FHIT: variants seen among roughly 807,000 people sequenced by gnomAD.
FHIT encodes fragile histidine triad diadenosine triphosphatase, also known as bis(5'-adenosyl)-triphosphatase.
Under a neutral mutation model 17.9 loss-of-function variants are expected in FHIT, and 19 were observed. That is an observed-to-expected ratio of 1.06 (90% CI 0.74 to 1.56). The LOEUF is 1.56. FHIT is among the 40% of genes most tolerant of loss of function. The probability of loss-of-function intolerance (pLI) is 0.00; values close to 1 mark genes in which losing one functional copy is unlikely to be tolerated. For missense variants in FHIT, 248 were observed against 189.2 expected, an observed-to-expected ratio of 1.31 and a Z score of -1.82; for synonymous variants, 81 against 69.7, an observed-to-expected ratio of 1.16 and a Z score of -0.81.
intron 5 of FHIT, among the ~76,000 whole-genome samples, chr3:60,480,317 G>T (rs2033551996): frequency 1.3e-5 from 2 of 152,136 alleles, no homozygotes; most frequent in South Asian, 4.2e-4. Flanking sequence ...TTCAAGAGGA[G>T]ATTTGAATGG....
chr3:59,858,735 G>A lies in FHIT; in HGVS notation c.348+63611C>T, dbSNP rs145851195. Reference sequence around the variant, plus strand: ...ATGAGATGTACGCAGGTGGTGGGCAGTGAAGGCTAATATTGAACAAATGAG... The same window carrying A: ...ATGAGATGTACGCAGGTGGTGGGCAATGAAGGCTAATATTGAACAAATGAG... On this transcript the variant is annotated intron_variant, in intron 8 of 9. Transcript: ENST00000492590. Among the ~76,000 whole-genome samples, 101 of 152,182 alleles carry A rather than the reference G, an allele frequency of 6.6e-4. 1 individual carries two copies. The East Asian group carries it at 0.018, about 27-fold the overall frequency.
chr3:60,218,457 C>T (rs1248731415), intron 5 of FHIT, among the ~76,000 whole-genome samples: 1 of 152,144 alleles, frequency 6.6e-6, no homozygotes, highest in African/African-American at 2.4e-5. Context: ...CTTGCCATGA[C>T]AAACATAGTT....
intron 5 of FHIT, among the ~76,000 whole-genome samples, chr3:60,362,100 ATT>A (rs1699930128): frequency 6.6e-6 from 1 of 152,172 alleles, no homozygotes; most frequent in Admixed American, 6.5e-5. Flanking sequence ...TATTGTGTGC[ATT>A]TGAAGTTTAT....
intron 5 of FHIT, among the ~76,000 whole-genome samples, chr3:60,263,813 C>T (rs915169098): frequency 2.0e-5 from 3 of 151,782 alleles, no homozygotes; most frequent in Non-Finnish European, 4.4e-5. Context: ...GAAATAAAGT[C>T]TTTAGCTTAA....
intron 7 of FHIT, among the ~76,000 whole-genome samples, chr3:59,941,828 T>C (rs553311246): frequency 6.6e-6 from 1 of 152,120 alleles, no homozygotes; most frequent in African/African-American, 2.4e-5. Context: ...ATGCATGAAG[T>C]AGGATATAGT....
chr3:59,884,079 C>T (rs941143296), intron 8 of FHIT, among the ~76,000 whole-genome samples: 1 of 152,148 alleles, frequency 6.6e-6, no homozygotes, highest in Non-Finnish European at 1.5e-5. Context: ...GTGACATGAG[C>T]AACTTTGCTT....
chr3:59,986,122 G>A (rs961541847), intron 7 of FHIT, among the ~76,000 whole-genome samples: 17 of 151,912 alleles, frequency 1.1e-4, no homozygotes, highest in African/African-American at 3.4e-4. Context: ...TATCAATAGC[G>A]GTTCACACTT....
chr3:60,348,456 A>G (rs911084114), intron 5 of FHIT, among the ~76,000 whole-genome samples: 3 of 152,148 alleles, frequency 2.0e-5, no homozygotes, highest in African/African-American at 4.8e-5. Flanking sequence ...TTTTTTTCAC[A>G]AAGAAAATTA....
At chr3:60,867,717 A>G (rs115347031) in intron 3 of FHIT, among the ~76,000 whole-genome samples, 181 of 152,258 alleles carry the variant, frequency 1.2e-3, no homozygotes, top group African/African-American at 4.3e-3. Flanking sequence ...TAATTCTCCA[A>G]TCTTTCTCCC....
intron 4 of FHIT, among the ~76,000 whole-genome samples, chr3:60,586,337 G>C (rs976457782): frequency 5.3e-5 from 8 of 151,998 alleles, no homozygotes; most frequent in Non-Finnish European, 8.8e-5. Flanking sequence ...AAAATAGACA[G>C]ATGTGCTCTT....
At chr3:61,018,908 C>A (rs1034884640) in intron 3 of FHIT, among the ~76,000 whole-genome samples, 3 of 152,064 alleles carry the variant, frequency 2.0e-5, no homozygotes, top group Non-Finnish European at 2.9e-5. Context: ...CAGTAAAACA[C>A]AACTGATAAA....
intron 5 of FHIT, among the ~76,000 whole-genome samples, chr3:60,429,495 A>T (rs1219553945): frequency 2.0e-5 from 3 of 152,048 alleles, no homozygotes; most frequent in Non-Finnish European, 4.4e-5. Flanking sequence ...GAGGGATGGG[A>T]AAACAAAAGA....
intron 5 of FHIT, among the ~76,000 whole-genome samples, chr3:60,046,676 C>T (rs888719020): frequency 6.6e-6 from 1 of 152,142 alleles, no homozygotes; most frequent in African/African-American, 2.4e-5. Flanking sequence ...ATGAGAAAGA[C>T]AAGAAATCAC....
chr3:59,836,608 G>A (rs1429753638), intron 8 of FHIT, among the ~76,000 whole-genome samples: 1 of 152,172 alleles, frequency 6.6e-6, no homozygotes, highest in Non-Finnish European at 1.5e-5. Flanking sequence ...CTTTTTAGGA[G>A]TGTCATTAGA....
intron 5 of FHIT, among the ~76,000 whole-genome samples, chr3:60,274,876 G>A (rs751379120): frequency 1.3e-5 from 2 of 152,024 alleles, no homozygotes; most frequent in Admixed American, 1.3e-4. Context: ...ATGGATAATT[G>A]CAATAGGAAG....
rs570610042 is a variant in FHIT, at chr3:60,658,820, AT to A, written c.-17-121842del. Among the ~76,000 whole-genome samples the A allele has an allele frequency of 2.0e-4, 30 of 152,218 alleles. No individual in the cohort carries two copies. In the South Asian group the frequency reaches 4.8e-3, roughly 24 times the overall value. ...TATTACAATAATACTAGCTTTTATA[AT>A]TGCCCACATTTTTACCTTTACGGAG... is the stretch of plus-strand genomic sequence containing the variant. On this transcript the variant is annotated intron_variant, in intron 4 of 9. Transcript: ENST00000492590.
intron 7 of FHIT, among the ~76,000 whole-genome samples, chr3:59,978,846 T>C (rs545702651): frequency 2.0e-5 from 3 of 151,894 alleles, no homozygotes; most frequent in East Asian, 4.0e-4. Context: ...GGTCTGGATA[T>C]TTGTGAGACT....
At chr3:59,921,564 A>G (rs1325961137) in intron 8 of FHIT, among the ~76,000 whole-genome samples, 1 of 152,224 alleles carries the variant, frequency 6.6e-6, no homozygotes, top group Non-Finnish European at 1.5e-5. Flanking sequence ...CATTTAACCA[A>G]TCACTCCAGG....
chr3:59,812,527 C>T (rs934426255), intron 8 of FHIT, among the ~76,000 whole-genome samples: 1 of 152,120 alleles, frequency 6.6e-6, no homozygotes, highest in Non-Finnish European at 1.5e-5. Context: ...AGTTTAAGAA[C>T]GATGCTTATA....
Sources: gnomAD v4.1 joint callset for allele counts (sites outside exome capture counted in the v4.1 genomes callset) on GRCh38, gnomAD v4.1.1 for gene constraint, MANE v1.5 for transcripts, NCBI Gene and HGNC (gene_info 2026-07-23, HGNC 2026-07-21) for gene names.